KAZN: variants seen among roughly 807,000 people sequenced by gnomAD.
The protein encoded by KAZN is kazrin, periplakin interacting protein.
In KAZN, 40 loss-of-function variants were observed where a neutral mutation model predicts 87.4. The ratio of observed to expected loss-of-function variants is 0.46; its 90% CI spans 0.36 to 0.60. KAZN has a LOEUF of 0.60. Ranked by LOEUF, KAZN falls within the 20% of genes least tolerant of loss-of-function variation. The pLI, the probability that KAZN is intolerant of heterozygous loss-of-function variation, is 0.00. For synonymous variants in KAZN, 466 were observed against 458.3 expected (o/e 1.02, Z -0.22); for missense variants, 898 against 1,073.9 (o/e 0.84, Z 2.29).
Position 14,803,148 on chromosome 1 carries a change from G to A in KAZN, c.227-157536G>A, listed in dbSNP as rs184510230. ...ACTGAGGGCTCCTTATAAGACAAAC[G>A]CTGTGCTAAAGCCTCCCTTCATCTG... On this transcript the variant is annotated intron_variant, in intron 1 of 14. Transcript: ENST00000376030. 8.6e-5 allele frequency among the ~76,000 whole-genome samples: 13 copies of A among 151,586 alleles called. No individual in the cohort carries two copies. In the East Asian group the frequency reaches 2.2e-3, roughly 25 times the overall value.
chr1:14,343,516 CTCCAGGGTTT>C (rs1657890193), intron 2 of KAZN, among the ~76,000 whole-genome samples: 1 of 152,272 alleles, frequency 6.6e-6, no homozygotes, highest in African/African-American at 2.4e-5. Flanking sequence ...GTTGTGCAGA[CTCCAGGGTTT>C]TCCACCTCCC....
chr1:15,019,412 A>C (rs939054000), intron 2 of KAZN, among the ~76,000 whole-genome samples: 8 of 152,166 alleles, frequency 5.3e-5, no homozygotes, highest in Non-Finnish European at 1.2e-4. Context: ...TCTTTGAGAC[A>C]GAGTCTTGCT....
chr1:14,965,053 C>G (rs12044800), intron 2 of KAZN, among the ~76,000 whole-genome samples: 80,867 of 150,074 alleles, frequency 0.54, 23,189 homozygotes, highest in African/African-American at 0.74. Flanking sequence ...TTTTTTGAGA[C>G]AGAGTCTCAC....
intron 2 of KAZN, among the ~76,000 whole-genome samples, chr1:14,994,191 A>G (rs1332509560): frequency 2.0e-5 from 3 of 152,224 alleles, no homozygotes; most frequent in African/African-American, 4.8e-5. Context: ...AGGAGGCACC[A>G]AGGAAAGATT....
intron 1 of KAZN, among the ~76,000 whole-genome samples, chr1:14,152,365 C>T (rs1429768202): frequency 6.6e-6 from 1 of 152,174 alleles, no homozygotes; most frequent in Non-Finnish European, 1.5e-5. Context: ...GGGAACCATC[C>T]TTCTACTCTT....
At chr1:15,035,486 G>T (rs369468390) in intron 3 of KAZN, among the ~76,000 whole-genome samples, 2 of 152,092 alleles carry the variant, frequency 1.3e-5, no homozygotes, top group African/African-American at 4.8e-5. Context: ...TGAGGAATTT[G>T]TTTCACCATG....
At chr1:15,058,547 G>A (rs566604872) in intron 5 of KAZN, among the ~76,000 whole-genome samples, 44 of 152,192 alleles carry the variant, frequency 2.9e-4, no homozygotes, top group Non-Finnish European at 5.4e-4. Flanking sequence ...CTGGGGACTT[G>A]GAAGGGCTTC....
chr1:14,572,703 T>C (rs1053167142), intron 2 of KAZN, among the ~76,000 whole-genome samples: 1 of 152,174 alleles, frequency 6.6e-6, no homozygotes, highest in Admixed American at 6.5e-5. Flanking sequence ...AGAAGGGGTA[T>C]GTGTACCTCA....
At chr1:14,322,899 A>G (rs1026719071) in intron 2 of KAZN, among the ~76,000 whole-genome samples, 1 of 152,236 alleles carries the variant, frequency 6.6e-6, no homozygotes, top group African/African-American at 2.4e-5. Context: ...AAGAGGCTTA[A>G]TTGACTCACA....
intron 2 of KAZN, among the ~76,000 whole-genome samples, chr1:14,529,295 T>C (rs1441076457): frequency 6.6e-6 from 1 of 151,934 alleles, no homozygotes; most frequent in Non-Finnish European, 1.5e-5. Context: ...CAAGAGCGAG[T>C]CTTCATCTAA....
At chr1:14,348,538 C>G (rs1458814406) in intron 2 of KAZN, among the ~76,000 whole-genome samples, 1 of 152,156 alleles carries the variant, frequency 6.6e-6, no homozygotes, top group African/African-American at 2.4e-5. Context: ...GGGATTTGCA[C>G]GTTGGCATGC....
At chr1:15,028,024 G>A (rs1179104373) in intron 2 of KAZN, among the ~76,000 whole-genome samples, 4 of 152,324 alleles carry the variant, frequency 2.6e-5, no homozygotes, top group African/African-American at 9.6e-5. Flanking sequence ...TCTCCACTGG[G>A]CATTCATTCC....
At chr1:14,064,483 C>A (rs1443097936) in intron 1 of KAZN, among the ~76,000 whole-genome samples, 2 of 152,186 alleles carry the variant, frequency 1.3e-5, no homozygotes, top group Non-Finnish European at 2.9e-5. Context: ...CTGCTTGGAG[C>A]CCATGCTGTA....
At chr1:14,998,019 A>G (rs2101994102) in intron 2 of KAZN, among the ~76,000 whole-genome samples, 1 of 152,086 alleles carries the variant, frequency 6.6e-6, no homozygotes, top group South Asian at 2.1e-4. Context: ...CCTGGTTTTA[A>G]TCGTGTTTGG....
chr1:14,997,662 C>T (rs973256494), intron 2 of KAZN, among the ~76,000 whole-genome samples: 3 of 152,160 alleles, frequency 2.0e-5, no homozygotes, highest in Non-Finnish European at 4.4e-5. Flanking sequence ...CTCAGTAAAT[C>T]CATGCGGAAA....
chr1:14,252,635 A>G (rs1465760092), intron 2 of KAZN, among the ~76,000 whole-genome samples: 1 of 152,152 alleles, frequency 6.6e-6, no homozygotes, highest in Non-Finnish European at 1.5e-5. Flanking sequence ...ACTCCATCCT[A>G]TTCCATATAG....
At chr1:14,140,923 C>T (rs1272741333) in intron 1 of KAZN, among the ~76,000 whole-genome samples, 2 of 152,068 alleles carry the variant, frequency 1.3e-5, no homozygotes, top group Non-Finnish European at 2.9e-5. Flanking sequence ...GCTCACAGAC[C>T]GATGCCTTCT....
chr1:13,967,475 C>T (rs900448776), intron 1 of KAZN, among the ~76,000 whole-genome samples: 4 of 152,158 alleles, frequency 2.6e-5, no homozygotes, highest in Non-Finnish European at 5.9e-5. Flanking sequence ...GCAGTGTAGG[C>T]ATGGAGACAG....
At chr1:14,101,132 G>A (rs1223300277) in intron 1 of KAZN, among the ~76,000 whole-genome samples, 1 of 152,120 alleles carries the variant, frequency 6.6e-6, no homozygotes, top group South Asian at 2.1e-4. Flanking sequence ...CACAGTGCAC[G>A]GTGGGAGCCC....
Sources: allele counts gnomAD v4.1 joint callset (sites outside exome capture counted in the v4.1 genomes callset), GRCh38; gene constraint gnomAD v4.1.1; transcripts MANE v1.5; gene names NCBI Gene and HGNC (gene_info 2026-07-23, HGNC 2026-07-21).